Variants in GRB10 observed in about 807,000 individuals in gnomAD.
GRB10 encodes the protein growth factor receptor bound protein 10.
A neutral mutation model predicts 80.9 loss-of-function variants in GRB10; 20 were observed. That is an observed-to-expected ratio of 0.25 (90% confidence interval 0.17 to 0.36). The LOEUF (loss-of-function observed/expected upper bound fraction) is 0.36. GRB10 is among the 10% of genes least tolerant of loss of function. The pLI, the probability that GRB10 is intolerant of heterozygous loss-of-function variation, is 1.00. For missense variants in GRB10, 548 were observed against 747.7 expected (o/e 0.73, Z 3.12); for synonymous variants, 291 against 291.5 (o/e 1.00, Z 0.02).
intron 2 of GRB10, among the ~76,000 whole-genome samples, chr7:50,768,320 A>G (rs1444416039): frequency 3.9e-5 from 6 of 152,120 alleles, no homozygotes; most frequent in Non-Finnish European, 8.8e-5. Flanking sequence ...TTCTCTTTTT[A>G]CCTGGCTCTT....
At chr7:50,625,555 G>A (rs1012324857) in intron 8 of GRB10, among the ~76,000 whole-genome samples, 11 of 152,166 alleles carry the variant, frequency 7.2e-5, no homozygotes, top group Admixed American at 2.6e-4. Flanking sequence ...GGAGCTTGAC[G>A]GGACAGCTAG....
Position 50,592,842 on chromosome 7 carries a change from G to T in GRB10, c.*110C>A. ...GGCTGGCACCGAACAAACCCATCTC[G>T]CTCTGGGTCCCCAGGTGCAGAATCG... On this transcript the variant is annotated 3_prime_UTR_variant, in exon 19 of 19. Coordinates refer to ENST00000401949, the MANE Select transcript of GRB10 (RefSeq NM_001350814.2). 7.9e-7 allele frequency: 1 copy of T among 1,270,306 alleles called. No individual in the cohort carries two copies. The highest frequency in any genetic ancestry group is 1.1e-6 in the Non-Finnish European group (1 of 874,268). The allele number at this position is 1,270,306 out of a possible 1,614,324, so 78.7% of individuals were successfully genotyped here.
At chr7:50,682,575 C>T (rs1466215760) in intron 5 of GRB10, among the ~76,000 whole-genome samples, 1 of 152,164 alleles carries the variant, frequency 6.6e-6, no homozygotes, top group African/African-American at 2.4e-5. Flanking sequence ...TTTAGTATTT[C>T]CAGTTAAGTA....
chr7:50,685,356 GA>G (rs1394703970), intron 5 of GRB10, among the ~76,000 whole-genome samples: 1 of 152,158 alleles, frequency 6.6e-6, no homozygotes, highest in Non-Finnish European at 1.5e-5. Context: ...ACTACTTCTG[GA>G]AAAATAATTC....
At chr7:50,740,512 A>T (rs1179368395) in intron 3 of GRB10, among the ~76,000 whole-genome samples, 1 of 152,236 alleles carries the variant, frequency 6.6e-6, no homozygotes, top group Non-Finnish European at 1.5e-5. Context: ...GTCTTAAATC[A>T]TCATAGAATT....
At chr7:50,657,369 G>A (rs1235929768) in intron 7 of GRB10, among the ~76,000 whole-genome samples, 2 of 152,098 alleles carry the variant, frequency 1.3e-5, no homozygotes, top group Non-Finnish European at 2.9e-5. Flanking sequence ...TTCCTCGAGT[G>A]TCTGTGATGT....
intron 4 of GRB10, chr7:50,727,116 G>A (rs910289702): frequency 2.6e-5 from 4 of 152,126 alleles, no homozygotes; most frequent in South Asian, 2.1e-4. Flanking sequence ...TCACAGAGTC[G>A]GTGGAAGGCT....
At position 50,614,895 on chromosome 7, in the gene GRB10, G is replaced by A. The variant is rs1319107185; in HGVS notation, c.985-15C>T. On this transcript the variant is annotated splice_polypyrimidine_tract_variant and intron_variant, in intron 11 of 18. Coordinates refer to ENST00000401949, the MANE Select transcript of GRB10 (RefSeq NM_001350814.2). ...TGTCTGGGTTCCTGTGACAACACTG[G>A]CCAGGTTAAAGTCTCAAGCACAGCA... is the stretch of plus-strand genomic sequence containing the variant. 1.9e-6 allele frequency: 3 copies of A among 1,561,614 alleles called. No homozygotes were observed. The highest frequency in any genetic ancestry group is 2.2e-5 in the East Asian group (1 of 44,600).
intron 7 of GRB10, among the ~76,000 whole-genome samples, chr7:50,638,497 A>G (rs1233303959): frequency 6.6e-6 from 1 of 152,248 alleles, no homozygotes; most frequent in Non-Finnish European, 1.5e-5. Flanking sequence ...GAGATGCTCA[A>G]TATCACTAGT....
At chr7:50,752,382 C>A (rs766532387) in intron 3 of GRB10, among the ~76,000 whole-genome samples, 1 of 152,114 alleles carries the variant, frequency 6.6e-6, no homozygotes, top group Non-Finnish European at 1.5e-5. Flanking sequence ...CTATGGGACA[C>A]CTTGAGGAGC....
At chr7:50,738,808 G>T (rs1399345004) in intron 3 of GRB10, among the ~76,000 whole-genome samples, 2 of 152,300 alleles carry the variant, frequency 1.3e-5, no homozygotes, top group African/African-American at 4.8e-5. Context: ...ATTAACCGTT[G>T]TCAGATGATT....
chr7:50,707,045 A>G (rs1474919790), intron 4 of GRB10, among the ~76,000 whole-genome samples: 1 of 152,178 alleles, frequency 6.6e-6, no homozygotes, highest in Non-Finnish European at 1.5e-5. Flanking sequence ...ATTTAATTAT[A>G]CTTTTGATTC....
At chr7:50,652,146 T>C (rs989343092) in intron 7 of GRB10, among the ~76,000 whole-genome samples, 1 of 152,266 alleles carries the variant, frequency 6.6e-6, no homozygotes, top group African/African-American at 2.4e-5. Flanking sequence ...GGGTTCTGAC[T>C]GATTCAGTGG....
chr7:50,689,557 C>T (rs1375364859), intron 5 of GRB10, among the ~76,000 whole-genome samples: 2 of 152,036 alleles, frequency 1.3e-5, no homozygotes, highest in East Asian at 1.9e-4. Context: ...TGCTGAGTCT[C>T]GGGGCGCCCT....
intron 7 of GRB10, among the ~76,000 whole-genome samples, chr7:50,659,849 G>A (rs373774540): frequency 2.6e-5 from 4 of 152,312 alleles, no homozygotes; most frequent in East Asian, 3.9e-4. Flanking sequence ...AGGGATTCAC[G>A]CGTCCCCTCA....
rs1338452567 is a variant in GRB10 at position 50,641,337 on chromosome 7, G to C, written c.505-14359C>G. ...CTTCCACTCTCAGCCGAAACGTTTT[G>C]CTGGTGACTGTTCAAGTCTTCCATT... On this transcript the variant is annotated intron_variant, in intron 7 of 18. Transcript: ENST00000401949. Among the ~76,000 whole-genome samples, 2 of 151,770 alleles carry C rather than the reference G, an allele frequency of 1.3e-5. 1 individual carries two copies. The highest frequency in any genetic ancestry group is 2.9e-5 in the Non-Finnish European group (2 of 68,000).
chr7:50,791,739 C>A (rs2078923674), intron 1 of GRB10, among the ~76,000 whole-genome samples: 1 of 152,196 alleles, frequency 6.6e-6, no homozygotes, highest in African/African-American at 2.4e-5. Context: ...GCCTGTGTTG[C>A]CCTTCTCTTT....
At chr7:50,692,056 A>G (rs773647919) in intron 5 of GRB10, among the ~76,000 whole-genome samples, 3 of 152,220 alleles carry the variant, frequency 2.0e-5, no homozygotes, top group Non-Finnish European at 4.4e-5. Context: ...GTGTACTTGC[A>G]CATGTACAGA....
intron 17 of GRB10, among the ~76,000 whole-genome samples, chr7:50,598,137 T>G (rs1246252637): frequency 6.6e-6 from 1 of 152,172 alleles, no homozygotes. Context: ...GTGCTGGGAT[T>G]ACAGGCATGA....
Sources: gnomAD v4.1 joint callset for allele counts (sites outside exome capture counted in the v4.1 genomes callset) on GRCh38, gnomAD v4.1.1 for gene constraint, MANE v1.5 for transcripts, NCBI Gene and HGNC (gene_info 2026-07-23, HGNC 2026-07-21) for gene names.